The following NMNAT2 variants were observed in gnomAD, a reference collection of about 807,000 sequenced individuals.
NMNAT2 encodes the protein nicotinamide nucleotide adenylyltransferase 2, also known as nicotinamide/nicotinic acid mononucleotide adenylyltransferase 2.
NMNAT2 carries 11 observed loss-of-function variants against 41.6 expected under a neutral mutation model. That is an observed-to-expected ratio of 0.26 (90% CI 0.17 to 0.44). The LOEUF (loss-of-function observed/expected upper bound fraction) is 0.44. Among genes scored for constraint, NMNAT2 ranks in the 20% least tolerant of loss-of-function variants. The probability of loss-of-function intolerance (pLI) is 1.00; values close to 1 mark genes in which losing one functional copy is unlikely to be tolerated. For synonymous variants in NMNAT2, 148 were observed against 151.2 expected (o/e 0.98, Z 0.16); for missense variants, 288 against 407.7 (o/e 0.71, Z 2.53).
At chr1:183,351,687 C>T (rs1663049473) in intron 1 of NMNAT2, among the ~76,000 whole-genome samples, 1 of 152,148 alleles carries the variant, frequency 6.6e-6, no homozygotes, top group South Asian at 2.1e-4. Context: ...ACACTGTTGG[C>T]AGCATTCAAG....
rs1661949596 is a variant in NMNAT2 at position 183,304,534 on chromosome 1, T to C, written c.86-10741A>G. ...CATATAGGGATCAGGCTGATGTCCC[T>C]AAACAGGCATGCACAGAGCAGCCCT... is the stretch of plus-strand genomic sequence containing the variant. On this transcript the variant is annotated intron_variant, in intron 1 of 10. Transcript: ENST00000287713. 4.0e-6 allele frequency: 3 copies of C among 747,712 alleles called. No homozygotes were observed. In the East Asian group the frequency reaches 7.7e-5, roughly 19 times the overall value. The allele number at this position is 747,712 out of a possible 1,614,324, so 46.3% of individuals were successfully genotyped here.
intron 10 of NMNAT2, among the ~76,000 whole-genome samples, chr1:183,253,304 T>C (rs1316435062): frequency 1.4e-5 from 2 of 148,100 alleles, no homozygotes; most frequent in East Asian, 3.9e-4. Flanking sequence ...TAATATTATA[T>C]TATATTATAT....
chr1:183,398,503 G>A lies in NMNAT2; in HGVS notation c.85+19680C>T, dbSNP rs1167032846. Among the ~76,000 whole-genome samples the A allele has an allele frequency of 2.0e-5, 3 of 152,200 alleles. No individual in the cohort carries two copies. The East Asian group carries it at 5.8e-4, about 29-fold the overall frequency. On this transcript the variant is annotated intron_variant, in intron 1 of 10. Coordinates refer to ENST00000287713, the MANE Select transcript of NMNAT2 (RefSeq NM_015039.4). ...CACTGTCAACATTAGACAGATCAAC[G>A]AGACAGGAAGTTCACAAGAATATCC... is the stretch of plus-strand genomic sequence containing the variant.
At chr1:183,297,187 C>T (rs1661724785) in intron 1 of NMNAT2, among the ~76,000 whole-genome samples, 1 of 151,486 alleles carries the variant, frequency 6.6e-6, no homozygotes, top group African/African-American at 2.4e-5. Context: ...ACTAATCTCA[C>T]TGTGTATCCA....
chr1:183,331,648 G>C (rs998931980), intron 1 of NMNAT2, among the ~76,000 whole-genome samples: 3 of 152,244 alleles, frequency 2.0e-5, no homozygotes, highest in Non-Finnish European at 4.4e-5. Context: ...TCAGGCGTGA[G>C]CCTTCCAGAC....
At chr1:183,371,908 T>C (rs1447145021) in intron 1 of NMNAT2, among the ~76,000 whole-genome samples, 1 of 151,998 alleles carries the variant, frequency 6.6e-6, no homozygotes, top group East Asian at 1.9e-4. Context: ...GCCTCCTGAG[T>C]AGCTGGGACC....
intron 1 of NMNAT2, among the ~76,000 whole-genome samples, chr1:183,381,662 A>G (rs548487863): frequency 1.3e-5 from 2 of 152,292 alleles, no homozygotes; most frequent in Non-Finnish European, 2.9e-5. Context: ...ATGCTAGTGC[A>G]CTCCAGCCTG....
Position 183,410,301 on chromosome 1 carries a change from C to T in NMNAT2, c.85+7882G>A, listed in dbSNP as rs190674561. 6.2e-3 allele frequency among the ~76,000 whole-genome samples: 941 copies of T among 150,666 alleles called. 9 individuals carry two copies. Among genetic ancestry groups the T allele is most frequent in the African/African-American group, 0.022 (883 of 40,982 alleles). On this transcript the variant is annotated intron_variant, in intron 1 of 10. Transcript: ENST00000287713. ...CAGAGCCACTGCACTCTAGCCTGGG[C>T]GGCAGAGTGAGACTCCATCTCAAAA...
intron 1 of NMNAT2, among the ~76,000 whole-genome samples, chr1:183,385,935 A>G (rs1313723031): frequency 1.3e-5 from 2 of 152,158 alleles, no homozygotes; most frequent in East Asian, 1.9e-4. Context: ...GTCGGTGCCT[A>G]TGAGTCACTG....
intron 1 of NMNAT2, among the ~76,000 whole-genome samples, chr1:183,324,578 C>T (rs1315535534): frequency 6.6e-6 from 1 of 152,170 alleles, no homozygotes; most frequent in African/African-American, 2.4e-5. Context: ...ACCAACAGCG[C>T]AAACCACTCT....
Position 183,344,039 on chromosome 1 carries a change from T to A in NMNAT2, c.86-50246A>T, listed in dbSNP as rs757551168. Among the ~76,000 whole-genome samples the A allele has an allele frequency of 1.1e-4, 17 of 152,146 alleles. 1 individual carries two copies. The highest frequency in any genetic ancestry group is 2.4e-4 in the Non-Finnish European group (16 of 68,024). ...CATAATATTCTCTGTCTAAAATGCC[T>A]CTCCCTCATTGCTTACCTAGCAATT... is the stretch of plus-strand genomic sequence containing the variant. On this transcript the variant is annotated intron_variant, in intron 1 of 10. Transcript: ENST00000287713.
At chr1:183,391,783 T>C (rs2101921781) in intron 1 of NMNAT2, among the ~76,000 whole-genome samples, 1 of 152,330 alleles carries the variant, frequency 6.6e-6, no homozygotes, top group South Asian at 2.1e-4. Flanking sequence ...TTCTCTGTGC[T>C]CACCTTACTT....
rs1232705165 is a variant in NMNAT2 at position 183,250,122 on chromosome 1, A to G, written c.*2519T>C. ...TCCATCCATAACTCCAAGTCCTTAAACAAGCCATGTTTCCCCAGGAAATTC... is the reference window on the plus strand; with the variant it reads ...TCCATCCATAACTCCAAGTCCTTAAGCAAGCCATGTTTCCCCAGGAAATTC... On this transcript the variant is annotated 3_prime_UTR_variant, in exon 11 of 11. Transcript: ENST00000287713. 2 of 152,120 alleles carry G rather than the reference A, an allele frequency of 1.3e-5. No homozygotes were observed. Among genetic ancestry groups the G allele is most frequent in the Non-Finnish European group, 2.9e-5 (2 of 68,046 alleles). The allele number at this position is 152,120 out of a possible 1,614,324, so 9.4% of individuals were successfully genotyped here. A position where few individuals can be genotyped will look rare whatever the true frequency, so the allele number is the denominator to read the frequency against.
intron 1 of NMNAT2, among the ~76,000 whole-genome samples, chr1:183,330,980 T>C (rs1276628826): frequency 1.3e-5 from 2 of 152,192 alleles, no homozygotes; most frequent in Non-Finnish European, 2.9e-5. Context: ...CCTCTGTTTC[T>C]TTTCTTTCCT....
At chr1:183,351,772 C>T (rs535098870) in intron 1 of NMNAT2, among the ~76,000 whole-genome samples, 27 of 152,214 alleles carry the variant, frequency 1.8e-4, no homozygotes, top group African/African-American at 4.8e-4. Context: ...CTGGTCCTTC[C>T]ACAATCCTGG....
intron 1 of NMNAT2, among the ~76,000 whole-genome samples, chr1:183,333,975 C>T (rs997641097): frequency 1.3e-5 from 2 of 152,162 alleles, no homozygotes; most frequent in Admixed American, 6.5e-5. Flanking sequence ...AAAATGATCT[C>T]ATTGTTCCCA....
At chr1:183,411,415 C>T (rs1362492927) in intron 1 of NMNAT2, among the ~76,000 whole-genome samples, 1 of 152,132 alleles carries the variant, frequency 6.6e-6, no homozygotes, top group African/African-American at 2.4e-5. Flanking sequence ...CTGACCGTCC[C>T]ACCTCAGCCT....
At chr1:183,367,655 A>G (rs1370703890) in intron 1 of NMNAT2, among the ~76,000 whole-genome samples, 1 of 152,210 alleles carries the variant, frequency 6.6e-6, no homozygotes, top group Non-Finnish European at 1.5e-5. Flanking sequence ...ATTTCAACAC[A>G]TTGTTGACCA....
intron 8 of NMNAT2, among the ~76,000 whole-genome samples, chr1:183,264,697 G>GT (rs1660759364): frequency 6.6e-6 from 1 of 151,964 alleles, no homozygotes; most frequent in Non-Finnish European, 1.5e-5. Flanking sequence ...TGTGTGTGTG[G>GT]GTTCGGGAAG....
Sources: gnomAD v4.1 joint callset for allele counts (sites outside exome capture counted in the v4.1 genomes callset) on GRCh38, gnomAD v4.1.1 for gene constraint, MANE v1.5 for transcripts, NCBI Gene and HGNC (gene_info 2026-07-23, HGNC 2026-07-21) for gene names.